PARD3B: variants seen among roughly 807,000 people sequenced by gnomAD.
The protein encoded by PARD3B is par-3 family cell polarity regulator beta, also known as partitioning defective 3 homolog B.
Under a neutral mutation model 130.2 loss-of-function variants are expected in PARD3B, and 103 were observed. The ratio of observed to expected loss-of-function variants is 0.79; its 90% confidence interval spans 0.67 to 0.93. The LOEUF (loss-of-function observed/expected upper bound fraction) is 0.93. Ranked by LOEUF, PARD3B falls within the 40% of genes least tolerant of loss-of-function variation. PARD3B has a pLI of 0.00. For missense variants in PARD3B, 1,609 were observed against 1,499.2 expected, an observed-to-expected ratio of 1.07 and a Z score of -1.21; for synonymous variants, 583 against 553.2, an observed-to-expected ratio of 1.05 and a Z score of -0.76.
Position 205,124,357 on chromosome 2 carries a change from C to A in PARD3B, c.1196C>A (p.Thr399Asn). ...GPEGLGFTVVTRDSSIHGPGP... is the reference protein window; with the variant it reads ...GPEGLGFTVVNRDSSIHGPGP... ...GAAGGACTTGGTTTCACTGTGGTTA[C>A]CAGAGACTCTTCCATACATGGTCCC... The change falls in exon 9 of 23, where the codon ACC (threonine) becomes AAC (asparagine). Residue 399 changes from threonine to asparagine, a missense_variant. By Grantham distance (65) the Thr-to-Asn change is moderately conservative. Coordinates refer to ENST00000406610, the MANE Select transcript of PARD3B (RefSeq NM_001302769.2). 6.3e-7 allele frequency: 1 copy of A among 1,591,502 alleles called. No homozygotes were observed. The highest frequency in any genetic ancestry group is 8.6e-7 in the Non-Finnish European group (1 of 1,167,818).
At chr2:204,821,112 G>A (rs1365245791) in intron 2 of PARD3B, among the ~76,000 whole-genome samples, 1 of 152,126 alleles carries the variant, frequency 6.6e-6, no homozygotes, top group African/African-American at 2.4e-5. Flanking sequence ...TTGTTTTCAT[G>A]TATGGTAACT....
At position 205,341,371 on chromosome 2, in the gene PARD3B, A is replaced by G. The variant is rs1392148122; in HGVS notation, c.2630+39670A>G. The stretch of plus-strand genomic sequence containing the variant: ...TCCATTAACAGATGAGTAATTAAAG[A>G]AAATGTGGTATATATACACAATGGA... On this transcript the variant is annotated intron_variant, in intron 18 of 22. Transcript: ENST00000406610. The surrounding 1 kb of genome is among the most constrained non-coding windows in gnomAD (Gnocchi z 4.3). Among the ~76,000 whole-genome samples, 1 of 152,184 alleles carries G rather than the reference A, an allele frequency of 6.6e-6. No homozygotes were observed. Among genetic ancestry groups the G allele is most frequent in the Non-Finnish European group, 1.5e-5 (1 of 68,014 alleles).
At chr2:205,278,069 A>T (rs2041021572) in intron 16 of PARD3B, among the ~76,000 whole-genome samples, 1 of 152,168 alleles carries the variant, frequency 6.6e-6, no homozygotes. Context: ...TCAAGTAGGA[A>T]GGGTTAAGCA....
At chr2:205,118,457 A>G (rs1193396023) in intron 6 of PARD3B, among the ~76,000 whole-genome samples, 1 of 152,208 alleles carries the variant, frequency 6.6e-6, no homozygotes, top group Non-Finnish European at 1.5e-5. Context: ...ATCTGAGCTT[A>G]AATGTTTCTT....
chr2:205,391,131 C>T (rs1261147290), intron 18 of PARD3B, among the ~76,000 whole-genome samples: 1 of 152,222 alleles, frequency 6.6e-6, no homozygotes, highest in African/African-American at 2.4e-5. Context: ...CAACCTCCCA[C>T]AGTTGATAGA....
Position 205,461,422 on chromosome 2 carries a change from T to C in PARD3B, c.3044+20750T>C, listed in dbSNP as rs1185972376. On this transcript the variant is annotated intron_variant, in intron 20 of 22. Transcript: ENST00000406610. This position sits in a 1 kb window ranked among gnomAD's most constrained non-coding sequence, Gnocchi z 4.3. ...CTGCCTGGCGCCTTTCTTCCCTTCATTGAACCAAGAGGTATTCCCTAGCAC... is the reference window on the plus strand; with the variant it reads ...CTGCCTGGCGCCTTTCTTCCCTTCACTGAACCAAGAGGTATTCCCTAGCAC... Among the ~76,000 whole-genome samples the C allele has an allele frequency of 1.3e-5, 2 of 152,166 alleles. No individual in the cohort carries two copies. The highest frequency in any genetic ancestry group is 1.3e-4 in the Admixed American group (2 of 15,270).
At chr2:204,549,082 C>T (rs56086550) in intron 1 of PARD3B, among the ~76,000 whole-genome samples, 1 of 152,086 alleles carries the variant, frequency 6.6e-6, no homozygotes, top group African/African-American at 2.4e-5. Flanking sequence ...CAAAGAAAAC[C>T]TATTTGTGGA....
At chr2:204,833,433 A>T (rs944016140) in intron 2 of PARD3B, among the ~76,000 whole-genome samples, 8 of 151,936 alleles carry the variant, frequency 5.3e-5, no homozygotes, top group Non-Finnish European at 7.4e-5. Context: ...TAACCCAGAC[A>T]TCTCTTGACT....
intron 2 of PARD3B, among the ~76,000 whole-genome samples, chr2:204,866,658 GATATATATGTGTATATATAC>G (rs1372999580): frequency 8.1e-4 from 122 of 151,420 alleles, no homozygotes; most frequent in South Asian, 1.9e-3. Context: ...GTGATTAAAA[GATATATATGTGTATATATAC>G]ATATATATGT....
intron 2 of PARD3B, among the ~76,000 whole-genome samples, chr2:204,955,892 G>A (rs2125834658): frequency 1.3e-5 from 2 of 152,292 alleles, no homozygotes; most frequent in South Asian, 4.1e-4. Context: ...ATATAGCACT[G>A]TGGGACACTG....
chr2:205,238,912 A>C, intron 15 of PARD3B, among the ~76,000 whole-genome samples: 1 of 115,160 alleles, frequency 8.7e-6, no homozygotes. Context: ...ATATATATGT[A>C]TGTGTATATA....
chr2:205,149,466 C>G (rs1419297719), intron 10 of PARD3B, among the ~76,000 whole-genome samples: 1 of 152,168 alleles, frequency 6.6e-6, no homozygotes, highest in Non-Finnish European at 1.5e-5. Flanking sequence ...CTCTGTTCAT[C>G]CCACAGAGAT....
rs150312839 is a variant in PARD3B, at chr2:205,525,039, T to G, written c.3180+25008T>G. The stretch of plus-strand genomic sequence containing the variant: ...TTAAACCTCGCCAGAATAAGAGATT[T>G]CTTAGTGATGAACCATGGCAAGAAC... On this transcript the variant is annotated intron_variant, in intron 21 of 22. Coordinates refer to ENST00000406610, the MANE Select transcript of PARD3B (RefSeq NM_001302769.2). This position sits in a 1 kb window ranked among gnomAD's most constrained non-coding sequence, Gnocchi z 4.2. Among the ~76,000 whole-genome samples, 1 of 152,230 alleles carries G rather than the reference T, an allele frequency of 6.6e-6. No individual in the cohort carries two copies. The highest frequency in any genetic ancestry group is 1.9e-4 in the East Asian group (1 of 5,194).
intron 2 of PARD3B, among the ~76,000 whole-genome samples, chr2:204,854,657 G>T: frequency 6.6e-6 from 1 of 152,076 alleles, no homozygotes; most frequent in East Asian, 1.9e-4. Flanking sequence ...CAGAATCGTT[G>T]ACCTCCTCGG....
At chr2:204,742,223 T>C (rs922443442) in intron 2 of PARD3B, among the ~76,000 whole-genome samples, 4 of 152,212 alleles carry the variant, frequency 2.6e-5, no homozygotes, top group African/African-American at 9.6e-5. Flanking sequence ...TATAAAATAG[T>C]CATACATTTT....
At chr2:204,836,468 C>T (rs2125578349) in intron 2 of PARD3B, among the ~76,000 whole-genome samples, 1 of 151,974 alleles carries the variant, frequency 6.6e-6, no homozygotes, top group South Asian at 2.1e-4. Flanking sequence ...TTTGAGACCA[C>T]CCTGGGCAAC....
intron 16 of PARD3B, among the ~76,000 whole-genome samples, chr2:205,290,067 A>C (rs1273685097): frequency 6.6e-6 from 1 of 152,222 alleles, no homozygotes; most frequent in Non-Finnish European, 1.5e-5. Flanking sequence ...AATTGCTTTA[A>C]AGAGTAAATT....
At chr2:204,558,644 TC>T (rs1392208397) in intron 1 of PARD3B, among the ~76,000 whole-genome samples, 2 of 152,112 alleles carry the variant, frequency 1.3e-5, no homozygotes, top group African/African-American at 4.8e-5. Flanking sequence ...TTCAGTGCCA[TC>T]CCCATCAAGC....
At chr2:205,049,644 G>A (rs1699051213) in intron 4 of PARD3B, among the ~76,000 whole-genome samples, 1 of 152,158 alleles carries the variant, frequency 6.6e-6, no homozygotes, top group South Asian at 2.1e-4. Context: ...GATGGCTACT[G>A]TCCATCTGGT....
Sources: gnomAD v4.1 joint callset for allele counts (sites outside exome capture counted in the v4.1 genomes callset) on GRCh38, gnomAD v4.1.1 for gene constraint, Gnocchi (gnomAD v3.1) non-coding constraint, MANE v1.5 for transcripts, NCBI Gene and HGNC (gene_info 2026-07-23, HGNC 2026-07-21) for gene names.